HNRNPH3: variants seen among roughly 807,000 people sequenced by gnomAD.
HNRNPH3 encodes the protein heterogeneous nuclear ribonucleoprotein 2H9.
In HNRNPH3, 7 loss-of-function variants were observed where a neutral mutation model predicts 47.0. The observed-to-expected ratio is 0.15, with a 90% CI of 0.08 to 0.28. The LOEUF (loss-of-function observed/expected upper bound fraction) is 0.28. Ranked by LOEUF, HNRNPH3 falls within the 10% of genes least tolerant of loss-of-function variation. The probability of loss-of-function intolerance (pLI) is 1.00; values close to 1 mark genes in which losing one functional copy is unlikely to be tolerated. For missense variants in HNRNPH3, 279 were observed against 449.6 expected (o/e 0.62, Z 3.43); for synonymous variants, 120 against 143.2 (o/e 0.84, Z 1.16).
Position 68,337,616 on chromosome 10 carries a change from GT to G in HNRNPH3, c.113-241del. On this transcript the variant is annotated intron_variant, in intron 2 of 9. Coordinates refer to ENST00000265866, the MANE Select transcript of HNRNPH3 (RefSeq NM_012207.3). This position sits in a 1 kb window ranked among gnomAD's most constrained non-coding sequence, Gnocchi z 4.5. ...ATTTGATTTTGTAGCCTTTTTTCAT[GT>G]AATATAGGTGGGCTTTTAGAGTGTG... is the stretch of plus-strand genomic sequence containing the variant. The G allele has an allele frequency of 3.8e-6, 2 of 526,738 alleles. No homozygotes were observed. The highest frequency in any genetic ancestry group is 6.7e-6 in the Non-Finnish European group (2 of 297,590). 32.6% of individuals were successfully genotyped at this position (526,738 alleles called of 1,614,324 possible). A position where few individuals can be genotyped will look rare whatever the true frequency, so the allele number is the denominator to read the frequency against.
chr10:68,331,968 A>G (rs1189823224), upstream of HNRNPH3: 2 of 152,350 alleles, frequency 1.3e-5, no homozygotes, highest in Non-Finnish European at 2.9e-5. Context: ...GCCATGCGAA[A>G]CCGACTTTCC....
At position 68,341,549 on chromosome 10, in the gene HNRNPH3, C is replaced by T. The variant is rs1263610636; in HGVS notation, c.776-36C>T. 6 of 1,387,094 alleles carry T rather than the reference C, an allele frequency of 4.3e-6. No homozygotes were observed. In the African/African-American group the frequency reaches 7.2e-5, roughly 17 times the overall value. 85.9% of individuals were successfully genotyped at this position (1,387,094 alleles called of 1,614,324 possible). On this transcript the variant is annotated intron_variant, in intron 7 of 9. Transcript: ENST00000265866. ...TATTGATGAATTTTATCCATCATTC[C>T]TTTCTCCCCTGTTACTCTTTCTTTT...
chr10:68,333,130 T>C (rs2045298392), intron 1 of HNRNPH3: 1 of 152,054 alleles, frequency 6.6e-6, no homozygotes, highest in African/African-American at 2.4e-5. Flanking sequence ...AAAGGGTTTT[T>C]TTTTTTTCAT....
chr10:68,339,249 T>G, intron 5 of HNRNPH3, 23 bp downstream of exon 5: 1 of 1,574,608 alleles, frequency 6.4e-7, no homozygotes, highest in Non-Finnish European at 8.7e-7. Flanking sequence ...TTAAAGACAT[T>G]TTTATTCATA....
chr10:68,338,870 A>T (rs980896624), intron 4 of HNRNPH3, 183 bp downstream of exon 4: 36 of 540,788 alleles, frequency 6.7e-5, no homozygotes, highest in Middle Eastern at 5.0e-4. Flanking sequence ...CACCTAGAAA[A>T]CTTACACAGA....
intron 6 of HNRNPH3, 65 bp from the exon 7 acceptor site, chr10:68,341,109 A>G (rs907162378): frequency 2.6e-6 from 3 of 1,153,724 alleles, no homozygotes; most frequent in Non-Finnish European, 3.6e-6. Flanking sequence ...GGAAAAATCA[A>G]GGTATGTGGT....
chr10:68,340,199 GCTAA>G (rs1308656134), intron 6 of HNRNPH3, among the ~76,000 whole-genome samples: 3 of 152,042 alleles, frequency 2.0e-5, no homozygotes, highest in Non-Finnish European at 4.4e-5. Flanking sequence ...ACCACTCCTG[GCTAA>G]CTTTTTGTAT....
rs1252033757 is a variant in HNRNPH3, at chr10:68,340,271, G to A, written c.639+716G>A. On this transcript the variant is annotated intron_variant, in intron 6 of 9. Coordinates refer to ENST00000265866, the MANE Select transcript of HNRNPH3 (RefSeq NM_012207.3). ...CGGGCTGGTCCTGACCTCATGATCC[G>A]CCTGCCCTGGCCTCCCAAAGTGCTG... Among the ~76,000 whole-genome samples, 10 of 152,200 alleles carry A rather than the reference G, an allele frequency of 6.6e-5. No individual in the cohort carries two copies. In the South Asian group the frequency reaches 1.7e-3, roughly 25 times the overall value.
chr10:68,332,361 C>T (rs1325582868), intron 1 of HNRNPH3, 145 bp downstream of exon 1: 3 of 152,086 alleles, frequency 2.0e-5, no homozygotes, highest in Non-Finnish European at 4.4e-5. Context: ...CGGGGCTGCG[C>T]CTCCCCGACC....
At position 68,332,149 on chromosome 10, in the gene HNRNPH3, A is replaced by G. The variant is rs1057366053; in HGVS notation, c.-91A>G. 2.6e-5 allele frequency: 4 copies of G among 152,268 alleles called. No individual in the cohort carries two copies. The highest frequency in any genetic ancestry group is 5.9e-5 in the Non-Finnish European group (4 of 68,080). The allele number at this position is 152,268 out of a possible 1,614,324, so 9.4% of individuals were successfully genotyped here. A position where few individuals can be genotyped will look rare whatever the true frequency, so the allele number is the denominator to read the frequency against. On this transcript the variant is annotated 5_prime_UTR_variant, in exon 1 of 10. Coordinates refer to ENST00000265866, the MANE Select transcript of HNRNPH3 (RefSeq NM_012207.3). ...GTTGTGGCGAGCGCTACACGAGGCAAACGACTTCTCCCTTCTTTGAACTGG... is the reference window on the plus strand; with the variant it reads ...GTTGTGGCGAGCGCTACACGAGGCAGACGACTTCTCCCTTCTTTGAACTGG...
Position 68,341,294 on chromosome 10 carries a change from G to T in HNRNPH3, c.760G>T (p.Asp254Tyr). 6.2e-7 allele frequency: 1 copy of T among 1,600,234 alleles called. No individual in the cohort carries two copies. The highest frequency in any genetic ancestry group is 8.5e-7 in the Non-Finnish European group (1 of 1,177,038). ...AGATGCAGTAGCTGCCATGTCTAAA[G>T]ATAAAAATAACATGCGTAAGTGGTG... The part of the protein sequence containing the change: ...HEDAVAAMSK[D>Y]KNNMQHRYIE... The change falls in exon 7 of 10, where the codon GAT becomes TAT. Residue 254 changes from aspartate to tyrosine, a missense_variant. This residue lies in a region of HNRNPH3 where 239 missense variants were observed against 335.8 expected (regional missense o/e 0.71). Coordinates refer to ENST00000265866, the MANE Select transcript of HNRNPH3 (RefSeq NM_012207.3).
At chr10:68,332,810 T>C (rs1167465170) in intron 1 of HNRNPH3, 1 of 152,336 alleles carries the variant, frequency 6.6e-6, no homozygotes, top group Non-Finnish European at 1.5e-5. Context: ...GCGAGTGACT[T>C]CTGACGCAGA....
At chr10:68,332,558 C>CT (rs951729074) in intron 1 of HNRNPH3, among the ~76,000 whole-genome samples, 1 of 152,184 alleles carries the variant, frequency 6.6e-6, no homozygotes, top group Non-Finnish European at 1.5e-5. Context: ...GCTCTTTTTA[C>CT]TTTTTTGTTC....
At chr10:68,340,608 G>T (rs1388470387) in intron 6 of HNRNPH3, among the ~76,000 whole-genome samples, 1 of 152,192 alleles carries the variant, frequency 6.6e-6, no homozygotes, top group Non-Finnish European at 1.5e-5. Context: ...AAAAGCAATG[G>T]TGTGCTCTAG....
chr10:68,333,804 C>A (rs10998074), intron 1 of HNRNPH3, among the ~76,000 whole-genome samples: 15,560 of 152,150 alleles, frequency 0.1, 1,045 homozygotes, highest in South Asian at 0.24. Flanking sequence ...AAAACAAAAA[C>A]TTATTATTAT....
At chr10:68,338,428 C>T (rs1372057365) in intron 3 of HNRNPH3, 75 bp from the exon 4 acceptor site, 3 of 839,560 alleles carry the variant, frequency 3.6e-6, no homozygotes, top group African/African-American at 1.7e-5. Flanking sequence ...GAAAAACTTA[C>T]TGCATTTTGC....
At chr10:68,335,250 T>TA (rs973606950) in intron 1 of HNRNPH3, among the ~76,000 whole-genome samples, 1 of 145,266 alleles carries the variant, frequency 6.9e-6, no homozygotes, top group Non-Finnish European at 1.5e-5. Flanking sequence ...TTTTTTTTTT[T>TA]AAGCATTTGC....
intron 1 of HNRNPH3, among the ~76,000 whole-genome samples, chr10:68,333,963 T>C (rs1230630870): frequency 1.3e-5 from 2 of 152,292 alleles, no homozygotes; most frequent in Admixed American, 1.3e-4. Context: ...GCTTTACTAA[T>C]TGGATTGGAC....
chr10:68,338,441 A>C, intron 3 of HNRNPH3, 62 bp from the exon 4 acceptor site: 1 of 1,023,034 alleles, frequency 9.8e-7, no homozygotes, highest in South Asian at 1.8e-5. Flanking sequence ...CATTTTGCCC[A>C]GTATCTAATT....
Sources: gnomAD v4.1 joint callset for allele counts (sites outside exome capture counted in the v4.1 genomes callset) on GRCh38, gnomAD v4.1.1 for gene constraint, gnomAD v4.1.1 regional missense constraint, Gnocchi (gnomAD v3.1) non-coding constraint, MANE v1.5 for transcripts, NCBI Gene and HGNC (gene_info 2026-07-23, HGNC 2026-07-21) for gene names.